Variants in TUBGCP2 observed in about 807,000 individuals in gnomAD.
TUBGCP2 encodes the protein gamma-tubulin complex component 2.
A neutral mutation model predicts 92.2 loss-of-function variants in TUBGCP2; 55 were observed. The observed-to-expected ratio is 0.60, with a 90% CI of 0.48 to 0.75. The LOEUF is 0.75. Ranked by LOEUF, TUBGCP2 falls within the 30% of genes least tolerant of loss-of-function variation. The probability of loss-of-function intolerance (pLI) is 0.00; values close to 1 mark genes in which losing one functional copy is unlikely to be tolerated. For synonymous variants in TUBGCP2, 533 were observed against 505.2 expected (o/e 1.06, Z -0.74); for missense variants, 1,093 against 1,188.9 (o/e 0.92, Z 1.19).
chr10:133,282,208 C>G lies in TUBGCP2; in HGVS notation c.2409+15G>C, dbSNP rs1022751369. On this transcript the variant is annotated intron_variant, in intron 16 of 17. Transcript: ENST00000252936. ...AGGAAGCGTCTCTCTCTGGCCAAAC[C>G]TGGAGGCCACGCACCTTCCTGGCGA... is the stretch of plus-strand genomic sequence containing the variant. The G allele has an allele frequency of 6.2e-7, 1 of 1,611,620 alleles. No homozygotes were observed. Among genetic ancestry groups the G allele is most frequent in the Non-Finnish European group, 8.5e-7 (1 of 1,179,780 alleles).
Position 133,284,097 on chromosome 10 carries a change from C to T in TUBGCP2, c.2025-95G>A, listed in dbSNP as rs889542492. The T allele has an allele frequency of 1.0e-5, 16 of 1,540,198 alleles. No individual in the cohort carries two copies. The South Asian group carries it at 1.2e-4, about 12-fold the overall frequency. On this transcript the variant is annotated intron_variant, in intron 13 of 17. Transcript: ENST00000252936. Reference sequence around the variant, plus strand: ...GAGGACGGAGGACAGCCATGGAGGACGTTCTCTGGACGTGGCTATTTCCTC... The same window carrying T: ...GAGGACGGAGGACAGCCATGGAGGATGTTCTCTGGACGTGGCTATTTCCTC...
intron 5 of TUBGCP2, among the ~76,000 whole-genome samples, chr10:133,294,661 T>A (rs1226961272): frequency 6.6e-6 from 1 of 151,858 alleles, no homozygotes; most frequent in Admixed American, 6.6e-5. Flanking sequence ...TGTCACCCAG[T>A]CTGGAGGGCA....
At chr10:133,305,071 T>C (rs549919175) in intron 1 of TUBGCP2, among the ~76,000 whole-genome samples, 23 of 152,196 alleles carry the variant, frequency 1.5e-4, no homozygotes, top group African/African-American at 2.2e-4. Flanking sequence ...CCAACTCTTG[T>C]GGAGGGCCTG....
chr10:133,310,379 A>G (rs937425786), upstream of TUBGCP2: 19 of 1,532,648 alleles, frequency 1.2e-5, no homozygotes, highest in African/African-American at 1.2e-4. Flanking sequence ...CAGACTTATT[A>G]AGCACTTGTG....
rs142969989 is a variant in TUBGCP2 at position 133,289,057 on chromosome 10, T to C, written c.1361-37A>G. 8,584 of 1,592,212 alleles carry C rather than the reference T, an allele frequency of 5.4e-3. 18 individuals carry two copies. The highest frequency in any genetic ancestry group is 6.4e-3 in the Non-Finnish European group (7,496 of 1,166,434). On this transcript the variant is annotated intron_variant, in intron 9 of 17. Coordinates refer to ENST00000252936, the MANE Select transcript of TUBGCP2 (RefSeq NM_006659.4). ...GAAATTCAAAATTTTATTCTCCACATGGTCGATCTCAGGCCCCAGCTGTCT... is the reference window on the plus strand; with the variant it reads ...GAAATTCAAAATTTTATTCTCCACACGGTCGATCTCAGGCCCCAGCTGTCT...
At chr10:133,311,187 G>C (rs944979696), upstream of TUBGCP2, among the ~76,000 whole-genome samples, 1 of 152,152 alleles carries the variant, frequency 6.6e-6, no homozygotes, top group African/African-American at 2.4e-5. Flanking sequence ...TTATTGATCA[G>C]AGTTTTTCAG....
chr10:133,294,320 C>A (rs535987400), intron 5 of TUBGCP2, among the ~76,000 whole-genome samples: 1 of 152,212 alleles, frequency 6.6e-6, no homozygotes, highest in Admixed American at 6.5e-5. Flanking sequence ...CAGCCTCAGG[C>A]GGGCCATGCC....
At chr10:133,302,286 C>T (rs895240838) in intron 2 of TUBGCP2, 6 of 174,950 alleles carry the variant, frequency 3.4e-5, no homozygotes, top group African/African-American at 7.1e-5. Flanking sequence ...GCATCTTGCA[C>T]GGTACACAGC....
intron 1 of TUBGCP2, among the ~76,000 whole-genome samples, chr10:133,305,551 C>A (rs1049383967): frequency 6.6e-6 from 1 of 152,054 alleles, no homozygotes; most frequent in Non-Finnish European, 1.5e-5. Flanking sequence ...CTCTCATCTC[C>A]GCACACGAGG....
At chr10:133,292,757 TG>T (rs1847389534) in intron 7 of TUBGCP2, 69 bp from the exon 8 acceptor site, 1 of 1,527,114 alleles carries the variant, frequency 6.5e-7, no homozygotes, top group Non-Finnish European at 8.8e-7. Flanking sequence ...ACAACACTGC[TG>T]GGGCCCCTCA....
Position 133,293,038 on chromosome 10 carries a change from C to A in TUBGCP2, c.1024+1G>T, listed in dbSNP as rs752909493. 3 of 1,612,590 alleles carry A rather than the reference C, an allele frequency of 1.9e-6. No individual in the cohort carries two copies. Among genetic ancestry groups the A allele is most frequent in the Non-Finnish European group, 2.5e-6 (3 of 1,179,846 alleles). ...CCCATGCCCCCCGGGCGGGCACGCACCGAGGGAGGCCAGGATGTCCATGGT... is the reference window on the plus strand; with the variant it reads ...CCCATGCCCCCCGGGCGGGCACGCAACGAGGGAGGCCAGGATGTCCATGGT... On this transcript the variant is annotated splice_donor_variant, in intron 7 of 17. Transcript: ENST00000252936. LOFTEE classifies it high-confidence loss of function.
At chr10:133,282,399 C>T in intron 15 of TUBGCP2, 57 bp from the exon 16 acceptor site, 1 of 1,527,528 alleles carries the variant, frequency 6.5e-7, no homozygotes, top group Non-Finnish European at 8.8e-7. Flanking sequence ...CAATGCTTTG[C>T]AGAAAAAACA....
intron 15 of TUBGCP2, 39 bp downstream of exon 15, chr10:133,283,039 G>C (rs200718534): frequency 1.9e-5 from 30 of 1,609,856 alleles, no homozygotes; most frequent in Non-Finnish European, 2.5e-5. Context: ...CTGCCCACCC[G>C]CGCCTGCCCA....
chr10:133,284,141 C>G, intron 13 of TUBGCP2, 139 bp from the exon 14 acceptor site: 1 of 1,354,290 alleles, frequency 7.4e-7, no homozygotes, highest in Non-Finnish European at 9.8e-7. Flanking sequence ...AAGCGCCCCT[C>G]CCAGCACACC....
intron 1 of TUBGCP2, among the ~76,000 whole-genome samples, chr10:133,306,337 C>T (rs927172109): frequency 4.6e-5 from 7 of 152,168 alleles, no homozygotes; most frequent in Non-Finnish European, 1.0e-4. Flanking sequence ...CTCGGCTCCC[C>T]GAGGACTGCA....
intron 5 of TUBGCP2, chr10:133,297,385 G>A (rs1390880003): frequency 4.5e-6 from 2 of 449,412 alleles, no homozygotes; most frequent in South Asian, 1.6e-5. Context: ...GCGACAGAGC[G>A]AGATTCCATC....
At chr10:133,312,319 CTAGT>C, upstream of TUBGCP2, 1 of 1,184,974 alleles carries the variant, frequency 8.4e-7, no homozygotes, top group Non-Finnish European at 1.0e-6. Context: ...GTCTGCCTTT[CTAGT>C]TAAAGTTGAT....
At chr10:133,297,180 T>C (rs1589832777) in intron 5 of TUBGCP2, 1 of 282,682 alleles carries the variant, frequency 3.5e-6, no homozygotes, top group East Asian at 1.4e-4. Context: ...GGTGGGCAGA[T>C]CACCAGAGGT....
Position 133,289,940 on chromosome 10 carries a change from C to T in TUBGCP2, c.1244G>A (p.Arg415Gln), listed in dbSNP as rs777006043. 4.2e-5 allele frequency: 67 copies of T among 1,614,086 alleles called. No individual in the cohort carries two copies. The highest frequency in any genetic ancestry group is 1.6e-4 in the Middle Eastern group (1 of 6,082). The change falls in exon 9 of 18, where the codon CGG becomes CAG. Residue 415 changes from arginine to glutamine, a missense_variant. Arg to Gln is a conservative substitution (Grantham distance 43). Around this residue, in one of 3 missense-constraint regions of TUBGCP2, gnomAD observed 598 missense variants for 675.5 expected, o/e 0.89. Transcript: ENST00000252936. ...SEFMVEEHELRKERIQEDYND... is the reference protein window; with the variant it reads ...SEFMVEEHELQKERIQEDYND... ...GTAATCCTCCTGGATCCTCTCCTTC[C>T]GCAGCTCGTGCTCCTCGACCATAAA...
Sources: gnomAD v4.1 joint callset for allele counts (sites outside exome capture counted in the v4.1 genomes callset) on GRCh38, gnomAD v4.1.1 for gene constraint, gnomAD v4.1.1 regional missense constraint, MANE v1.5 for transcripts, NCBI Gene and HGNC (gene_info 2026-07-23, HGNC 2026-07-21) for gene names.